Variants in TMIGD3 observed in about 807,000 individuals in gnomAD.
The protein encoded by TMIGD3 is transmembrane and immunoglobulin domain containing 3.
In TMIGD3, 21 loss-of-function variants were observed where a neutral mutation model predicts 28.1. That is an observed-to-expected ratio of 0.75 (90% confidence interval 0.53 to 1.08). The LOEUF (loss-of-function observed/expected upper bound fraction) is 1.08. Ranked by LOEUF, TMIGD3 falls within the 50% of genes least tolerant of loss-of-function variation. The probability of loss-of-function intolerance (pLI) is 0.00; values close to 1 mark genes in which losing one functional copy is unlikely to be tolerated. For synonymous variants in TMIGD3, 151 were observed against 162.1 expected (o/e 0.93, Z 0.52); for missense variants, 416 against 435.6 (o/e 0.96, Z 0.40).
At chr1:111,528,979 T>A (rs1577931) in intron 1 of TMIGD3, among the ~76,000 whole-genome samples, 41,963 of 151,772 alleles carry the variant, frequency 0.28, 6,505 homozygotes, top group Admixed American at 0.44. Context: ...CGTTTCTTTC[T>A]TCCCATCTGT....
At chr1:111,560,000 C>A (rs542575301) in intron 1 of TMIGD3, among the ~76,000 whole-genome samples, 1 of 152,318 alleles carries the variant, frequency 6.6e-6, no homozygotes, top group East Asian at 1.9e-4. Flanking sequence ...CTTGACACAT[C>A]AAACACTGAG....
intron 1 of TMIGD3, among the ~76,000 whole-genome samples, chr1:111,491,210 G>C (rs1434632592): frequency 6.6e-6 from 1 of 152,230 alleles, no homozygotes; most frequent in East Asian, 1.9e-4. Flanking sequence ...GCTCATCTGG[G>C]GAGTACGGCC....
intron 1 of TMIGD3, among the ~76,000 whole-genome samples, chr1:111,536,811 T>C (rs1656655896): frequency 7.8e-6 from 1 of 127,556 alleles, no homozygotes; most frequent in East Asian, 1.9e-4. Context: ...GGTTGTCCCT[T>C]CCTTTCCTCT....
intron 1 of TMIGD3, among the ~76,000 whole-genome samples, chr1:111,493,381 T>TC (rs1252509798): frequency 6.6e-6 from 1 of 151,976 alleles, no homozygotes; most frequent in African/African-American, 2.4e-5. Context: ...GTCTGGCACC[T>TC]CCCCCCACCC....
intron 1 of TMIGD3, among the ~76,000 whole-genome samples, chr1:111,556,424 G>A (rs1386995668): frequency 6.6e-6 from 1 of 152,140 alleles, no homozygotes; most frequent in Non-Finnish European, 1.5e-5. Flanking sequence ...AATAGAAAGT[G>A]GGGACTTGAA....
intron 1 of TMIGD3, among the ~76,000 whole-genome samples, chr1:111,559,583 C>T (rs1034564142): frequency 5.3e-5 from 8 of 152,106 alleles, no homozygotes; most frequent in Non-Finnish European, 1.5e-5. Flanking sequence ...TCTATCCTAT[C>T]TATCATGATA....
chr1:111,500,396 C>T lies in TMIGD3; in HGVS notation c.350+2609G>A, dbSNP rs139935750. On this transcript the variant is annotated intron_variant, in intron 1 of 5. Transcript: ENST00000369716. Reference sequence around the variant, plus strand: ...TATACCATGTAGTCCATTCTCATGACGGAAACAAATTGGCATGAAAGGAAG... The same window carrying T: ...TATACCATGTAGTCCATTCTCATGATGGAAACAAATTGGCATGAAAGGAAG... 1,464 of 1,614,142 alleles carry T rather than the reference C, an allele frequency of 9.1e-4. 1 individual carries two copies. The highest frequency in any genetic ancestry group is 1.1e-3 in the Non-Finnish European group (1,339 of 1,180,040).
At chr1:111,540,216 A>G (rs1424524965) in intron 1 of TMIGD3, among the ~76,000 whole-genome samples, 1 of 152,160 alleles carries the variant, frequency 6.6e-6, no homozygotes, top group African/African-American at 2.4e-5. Flanking sequence ...ACCGTAAGAG[A>G]CATTTTGTGT....
chr1:111,557,400 A>G (rs968045710), intron 1 of TMIGD3, among the ~76,000 whole-genome samples: 5 of 151,992 alleles, frequency 3.3e-5, no homozygotes, highest in East Asian at 1.9e-4. Flanking sequence ...TACAAAAACA[A>G]TTAGCTGAGC....
intron 1 of TMIGD3, among the ~76,000 whole-genome samples, chr1:111,513,293 G>A (rs1461117124): frequency 6.6e-6 from 1 of 152,172 alleles, no homozygotes; most frequent in Non-Finnish European, 1.5e-5. Context: ...AGGGTGTGAG[G>A]GTTGCTGAAT....
In TMIGD3 at chr1:111,561,099, C is replaced by T. The variant is rs116840351; in HGVS notation, c.107+2747G>A. Among the ~76,000 whole-genome samples, 1,184 of 152,152 alleles carry T rather than the reference C, an allele frequency of 7.8e-3. 11 individuals are homozygous for T. The highest frequency in any genetic ancestry group is 0.012 in the South Asian group (60 of 4,816). The stretch of plus-strand genomic sequence containing the variant: ...AATAGGACTTTCCATCTTCAAAGCT[C>T]CTCCCTACACAATTTTGTTTGTTGG... On this transcript the variant is annotated intron_variant, in intron 1 of 5. Transcript: ENST00000369717.
chr1:111,518,766 A>G (rs1655951154), intron 1 of TMIGD3, among the ~76,000 whole-genome samples: 1 of 152,190 alleles, frequency 6.6e-6, no homozygotes, highest in African/African-American at 2.4e-5. Context: ...AAGCAATACC[A>G]TTAATGCATT....
intron 1 of TMIGD3, among the ~76,000 whole-genome samples, chr1:111,498,137 G>T (rs1427050806): frequency 2.0e-5 from 3 of 152,194 alleles, no homozygotes; most frequent in Admixed American, 6.5e-5. Flanking sequence ...GAAATGAAAT[G>T]TTAACAAGAT....
intron 1 of TMIGD3, among the ~76,000 whole-genome samples, chr1:111,529,963 T>C (rs1656399937): frequency 8.3e-6 from 1 of 120,392 alleles, no homozygotes; most frequent in South Asian, 2.9e-4. Context: ...GAGGCGCCCC[T>C]CACCTCCCGG....
chr1:111,506,992 CAT>C (rs1655522490), upstream of TMIGD3, among the ~76,000 whole-genome samples: 4 of 136,664 alleles, frequency 2.9e-5, no homozygotes, highest in East Asian at 2.1e-4. Context: ...CATATATATA[CAT>C]ATATACACAC....
rs1655363969 is a variant in TMIGD3, at chr1:111,503,531, T to G, written c.-177A>C. 2 of 1,423,212 alleles carry G rather than the reference T, an allele frequency of 1.4e-6. No homozygotes were observed. The highest frequency in any genetic ancestry group is 3.0e-5 in the South Asian group (2 of 66,460). 88.2% of individuals were successfully genotyped at this position (1,423,212 alleles called of 1,614,324 possible). ...TGGTGGGGTGATCTCTTGGAAACCC[T>G]TCTCCTTAGAAAGGGCTCATCACAG... On this transcript the variant is annotated 5_prime_UTR_variant, in exon 1 of 6. Coordinates refer to ENST00000369716, the MANE Select transcript of TMIGD3 (RefSeq NM_020683.7).
chr1:111,538,784 A>C (rs1402841700), intron 1 of TMIGD3, among the ~76,000 whole-genome samples: 2 of 152,222 alleles, frequency 1.3e-5, no homozygotes, highest in African/African-American at 2.4e-5. Context: ...GGAAAGGACT[A>C]TTACACCACA....
Position 111,488,592 on chromosome 1 carries a change from T to G in TMIGD3, c.805+85A>C, listed in dbSNP as rs560947686. The G allele has an allele frequency of 2.2e-4, 274 of 1,265,576 alleles. 1 individual carries two copies. The African/African-American group carries it at 3.2e-3, about 15-fold the overall frequency. 78.4% of individuals were successfully genotyped at this position (1,265,576 alleles called of 1,614,324 possible). A position where few individuals can be genotyped will look rare whatever the true frequency, so the allele number is the denominator to read the frequency against. On this transcript the variant is annotated intron_variant, in intron 3 of 5. Transcript: ENST00000369716. ...ACCCAGTGGGAGTCTGAGTTGGGGC[T>G]CACTGGCTTCAGAGAGTGCTCTCTT... is the stretch of plus-strand genomic sequence containing the variant.
intron 1 of TMIGD3, among the ~76,000 whole-genome samples, chr1:111,547,462 A>G (rs1236286389): frequency 2.0e-5 from 3 of 152,132 alleles, no homozygotes; most frequent in Non-Finnish European, 2.9e-5. Context: ...AGGAGACTTC[A>G]AATGTTTGTG....
Sources: allele counts gnomAD v4.1 joint callset (sites outside exome capture counted in the v4.1 genomes callset), GRCh38; gene constraint gnomAD v4.1.1; transcripts MANE v1.5; gene names NCBI Gene and HGNC (gene_info 2026-07-23, HGNC 2026-07-21).